Variants in TLK1 observed in about 807,000 individuals in gnomAD.
The protein encoded by TLK1 is tousled like kinase 1.
TLK1 carries 24 observed loss-of-function variants against 105.3 expected under a neutral mutation model. The ratio of observed to expected loss-of-function variants is 0.23; its 90% CI spans 0.17 to 0.32. The LOEUF is 0.32. Ranked by LOEUF, TLK1 falls within the 10% of genes least tolerant of loss-of-function variation. The probability of loss-of-function intolerance (pLI) is 1.00; values close to 1 mark genes in which losing one functional copy is unlikely to be tolerated. For missense variants in TLK1, 558 were observed against 910.5 expected (o/e 0.61, Z 4.98); for synonymous variants, 321 against 310.4 (o/e 1.03, Z -0.36).
At chr2:170,999,039 T>C (rs1221355406) in intron 18 of TLK1, among the ~76,000 whole-genome samples, 1 of 152,218 alleles carries the variant, frequency 6.6e-6, no homozygotes, top group Non-Finnish European at 1.5e-5. Flanking sequence ...GTGCTAGGAT[T>C]ACAGGCATGA....
At chr2:171,035,486 T>C (rs1326941007) in intron 11 of TLK1, among the ~76,000 whole-genome samples, 1 of 152,196 alleles carries the variant, frequency 6.6e-6, no homozygotes, top group Non-Finnish European at 1.5e-5. Context: ...TAAACCTCTT[T>C]CTTTTGTAAC....
chr2:171,111,991 G>A (rs1436409862), intron 2 of TLK1, among the ~76,000 whole-genome samples: 2 of 152,036 alleles, frequency 1.3e-5, no homozygotes, highest in Admixed American at 6.6e-5. Flanking sequence ...TTGCTCTGTG[G>A]CCCAGGCTGG....
intron 11 of TLK1, among the ~76,000 whole-genome samples, chr2:171,042,412 T>C (rs1686723857): frequency 6.8e-6 from 1 of 147,850 alleles, no homozygotes; most frequent in Non-Finnish European, 1.5e-5. Context: ...ACTTGGCTAA[T>C]TTTTTTTTTT....
rs1033443059 is a variant in TLK1, at chr2:171,125,516, T to C, written c.140-7659A>G. 2.0e-5 allele frequency among the ~76,000 whole-genome samples: 3 copies of C among 151,994 alleles called. No homozygotes were observed. In the South Asian group the frequency reaches 6.2e-4, roughly 31 times the overall value. ...AAAAATTGCAATCTGGTCACAGATG[T>C]GGCACTCAAAACACCGTCAAGCAAT... On this transcript the variant is annotated intron_variant, in intron 1 of 20. Coordinates refer to ENST00000431350, the MANE Select transcript of TLK1 (RefSeq NM_012290.5).
At chr2:171,128,892 T>C (rs1040239797) in intron 1 of TLK1, among the ~76,000 whole-genome samples, 2 of 152,208 alleles carry the variant, frequency 1.3e-5, no homozygotes, top group African/African-American at 4.8e-5. Context: ...GGTTAAGTTA[T>C]ACTGCCTTTT....
intron 1 of TLK1, among the ~76,000 whole-genome samples, chr2:171,154,193 T>C (rs912234217): frequency 1.2e-4 from 18 of 152,190 alleles, no homozygotes; most frequent in Admixed American, 3.9e-4. Context: ...CGCCTGATGA[T>C]ATTCTCTTAA....
intron 1 of TLK1, among the ~76,000 whole-genome samples, chr2:171,197,049 C>G (rs1345235172): frequency 6.6e-6 from 1 of 151,982 alleles, no homozygotes; most frequent in African/African-American, 2.4e-5. Flanking sequence ...CAGGAGAACC[C>G]TAAGTGTGGG....
intron 4 of TLK1, among the ~76,000 whole-genome samples, chr2:171,060,502 A>G (rs1191824589): frequency 6.6e-6 from 1 of 152,230 alleles, no homozygotes; most frequent in African/African-American, 2.4e-5. Flanking sequence ...CACATGTAAC[A>G]TTATGTATAA....
chr2:171,073,900 C>CT (rs1391415508), intron 3 of TLK1, among the ~76,000 whole-genome samples: 11 of 70,904 alleles, frequency 1.6e-4, no homozygotes, highest in South Asian at 5.4e-4. Flanking sequence ...TTTTTTCTTT[C>CT]TTTTTTTTGA....
chr2:171,082,305 A>G (rs1281778236), intron 3 of TLK1, among the ~76,000 whole-genome samples: 1 of 152,106 alleles, frequency 6.6e-6, no homozygotes, highest in African/African-American at 2.4e-5. Context: ...AGGGGAGGGA[A>G]TTCTTCAGAT....
At chr2:171,048,512 T>C (rs1687066330) in intron 10 of TLK1, among the ~76,000 whole-genome samples, 1 of 152,222 alleles carries the variant, frequency 6.6e-6, no homozygotes, top group Non-Finnish European at 1.5e-5. Context: ...ATTCATCCTC[T>C]AATAATATTT....
At chr2:171,088,955 G>A (rs1689103061) in intron 2 of TLK1, among the ~76,000 whole-genome samples, 1 of 152,178 alleles carries the variant, frequency 6.6e-6, no homozygotes, top group Non-Finnish European at 1.5e-5. Flanking sequence ...GATGATCTTG[G>A]CTCACTGCAA....
chr2:171,012,111 A>C (rs1453876000), intron 13 of TLK1, among the ~76,000 whole-genome samples: 1 of 151,990 alleles, frequency 6.6e-6, no homozygotes, highest in Non-Finnish European at 1.5e-5. Flanking sequence ...AGCATCCCTA[A>C]TCTGAAAATC....
chr2:171,013,677 GA>G (rs1370092128), intron 13 of TLK1, among the ~76,000 whole-genome samples: 2 of 152,122 alleles, frequency 1.3e-5, no homozygotes, highest in Non-Finnish European at 2.9e-5. Context: ...ACAATGGAAT[GA>G]TCTGTGTATT....
intron 1 of TLK1, among the ~76,000 whole-genome samples, chr2:171,221,984 C>T (rs1693818558): frequency 6.6e-6 from 1 of 152,186 alleles, no homozygotes; most frequent in African/African-American, 2.4e-5. Flanking sequence ...AATACCCATG[C>T]GTTCCTCAAC....
chr2:171,046,831 A>G (rs369169826), intron 10 of TLK1, among the ~76,000 whole-genome samples: 18 of 152,282 alleles, frequency 1.2e-4, no homozygotes, highest in African/African-American at 4.1e-4. Flanking sequence ...CCAAACTATT[A>G]AAGTATGGGG....
At chr2:171,205,510 A>G (rs1693488213) in intron 1 of TLK1, among the ~76,000 whole-genome samples, 1 of 152,002 alleles carries the variant, frequency 6.6e-6, no homozygotes, top group Non-Finnish European at 1.5e-5. Flanking sequence ...TTTTTGTACA[A>G]ATGAGGTTTT....
intron 1 of TLK1, among the ~76,000 whole-genome samples, chr2:171,207,646 TTC>T (rs1693531017): frequency 6.6e-6 from 1 of 152,166 alleles, no homozygotes; most frequent in Non-Finnish European, 1.5e-5. Context: ...TCTTTATACT[TTC>T]TGTTTGATTT....
At chr2:171,093,128 CTTA>C (rs1382011561) in intron 2 of TLK1, among the ~76,000 whole-genome samples, 2 of 152,152 alleles carry the variant, frequency 1.3e-5, no homozygotes, top group African/African-American at 4.8e-5. Flanking sequence ...GTTTTGATTT[CTTA>C]TAATAAAAGG....
Sources: gnomAD v4.1 joint callset for allele counts (sites outside exome capture counted in the v4.1 genomes callset) on GRCh38, gnomAD v4.1.1 for gene constraint, MANE v1.5 for transcripts, NCBI Gene and HGNC (gene_info 2026-07-23, HGNC 2026-07-21) for gene names.